Variants in ZPBP observed in about 807,000 individuals in gnomAD.
ZPBP encodes zona pellucida binding protein.
In ZPBP, 26 loss-of-function variants were observed where a neutral mutation model predicts 44.8. That is an observed-to-expected ratio of 0.58 (90% CI 0.43 to 0.81). The LOEUF (loss-of-function observed/expected upper bound fraction) is 0.81, where lower values mean the gene tolerates loss of function less well. ZPBP is among the 30% of genes least tolerant of loss of function. The pLI, the probability that ZPBP is intolerant of heterozygous loss-of-function variation, is 0.00. For synonymous variants in ZPBP, 174 were observed against 153.2 expected (o/e 1.14, Z -1.00); for missense variants, 409 against 434.0 (o/e 0.94, Z 0.51).
intron 6 of ZPBP, among the ~76,000 whole-genome samples, chr7:49,995,012 C>A (rs1797757218): frequency 6.6e-6 from 1 of 152,150 alleles, no homozygotes; most frequent in Non-Finnish European, 1.5e-5. Flanking sequence ...ATACCCTTCA[C>A]CCTATAAGTG....
At chr7:50,091,604 A>G (rs970929957) in intron 1 of ZPBP, among the ~76,000 whole-genome samples, 1 of 152,120 alleles carries the variant, frequency 6.6e-6, no homozygotes, top group African/African-American at 2.4e-5. Flanking sequence ...CACACATACC[A>G]TTTTCCTTAT....
intron 2 of ZPBP, among the ~76,000 whole-genome samples, chr7:49,895,831 T>C (rs931206500): frequency 1.3e-4 from 20 of 152,130 alleles, no homozygotes; most frequent in African/African-American, 4.8e-4. Flanking sequence ...GATTAACCCA[T>C]TCTCCCACTT....
At chr7:50,040,376 G>T (rs903762405) in intron 4 of ZPBP, among the ~76,000 whole-genome samples, 1 of 152,228 alleles carries the variant, frequency 6.6e-6, no homozygotes, top group Non-Finnish European at 1.5e-5. Flanking sequence ...TGGCTGGCGA[G>T]ATGGCTGAAT....
chr7:50,020,408 C>G (rs560847942), intron 5 of ZPBP, among the ~76,000 whole-genome samples: 16 of 152,108 alleles, frequency 1.1e-4, no homozygotes, highest in South Asian at 1.0e-3. Flanking sequence ...AATCAGTATA[C>G]ACAAAAGATT....
intron 1 of ZPBP, chr7:49,912,076 G>T: frequency 6.2e-7 from 1 of 1,614,102 alleles, no homozygotes; most frequent in Non-Finnish European, 8.5e-7. Context: ...CCTGCTGGCA[G>T]AGAAGTGAAG....
At chr7:49,952,049 G>C (rs930952337) in intron 7 of ZPBP, among the ~76,000 whole-genome samples, 2 of 151,836 alleles carry the variant, frequency 1.3e-5, no homozygotes, top group African/African-American at 4.8e-5. Flanking sequence ...AGTGATAGTT[G>C]CCAGGGGGTA....
intron 2 of ZPBP, among the ~76,000 whole-genome samples, chr7:49,873,676 G>T (rs928192028): frequency 1.3e-5 from 2 of 152,156 alleles, no homozygotes; most frequent in African/African-American, 4.8e-5. Flanking sequence ...ATGAATTTTT[G>T]CTTGTGGGTT....
chr7:50,074,866 C>T (rs1192809480), intron 3 of ZPBP, among the ~76,000 whole-genome samples: 1 of 151,742 alleles, frequency 6.6e-6, no homozygotes, highest in Non-Finnish European at 1.5e-5. Flanking sequence ...ATCCTCCAGA[C>T]AGAAAGATCA....
At chr7:49,947,477 G>C (rs1162497868) in intron 7 of ZPBP, among the ~76,000 whole-genome samples, 1 of 152,192 alleles carries the variant, frequency 6.6e-6, no homozygotes, top group Non-Finnish European at 1.5e-5. Context: ...CACTGCCTTG[G>C]AGGTTTTGGG....
intron 7 of ZPBP, among the ~76,000 whole-genome samples, chr7:49,938,503 TA>T (rs1175490761): frequency 6.6e-6 from 1 of 152,192 alleles, no homozygotes; most frequent in Non-Finnish European, 1.5e-5. Context: ...CCTTATTTTG[TA>T]AAACAGGTGC....
At chr7:50,089,811 A>T (rs1052490050) in intron 1 of ZPBP, 102 bp from the exon 2 acceptor site, 5 of 877,090 alleles carry the variant, frequency 5.7e-6, no homozygotes, top group Non-Finnish European at 7.4e-6. Flanking sequence ...GAGAGCCATA[A>T]TTCAATCTCC....
At chr7:50,045,447 C>T (rs1316780659) in intron 4 of ZPBP, among the ~76,000 whole-genome samples, 2 of 152,202 alleles carry the variant, frequency 1.3e-5, no homozygotes, top group Non-Finnish European at 2.9e-5. Flanking sequence ...GCAACTTCAG[C>T]AAAGTCTCAA....
intron 4 of ZPBP, among the ~76,000 whole-genome samples, chr7:50,043,679 A>C (rs1414214870): frequency 6.6e-6 from 1 of 152,166 alleles, no homozygotes; most frequent in African/African-American, 2.4e-5. Flanking sequence ...TCATAAAGCA[A>C]GTTCTTAGAG....
chr7:49,936,471 T>A (rs75466499), downstream of ZPBP, among the ~76,000 whole-genome samples: 4,557 of 152,294 alleles, frequency 0.03, 184 homozygotes, highest in South Asian at 0.13. Flanking sequence ...ATCCTAGGTA[T>A]AGGTGAACTG....
At chr7:49,926,255 G>A (rs191458372) in intron 1 of ZPBP, among the ~76,000 whole-genome samples, 4 of 152,254 alleles carry the variant, frequency 2.6e-5, no homozygotes, top group Admixed American at 6.5e-5. Flanking sequence ...GTCCTCTTGT[G>A]GAACATAATG....
chr7:50,031,731 T>C (rs1799616908), intron 4 of ZPBP, among the ~76,000 whole-genome samples: 1 of 152,052 alleles, frequency 6.6e-6, no homozygotes, highest in South Asian at 2.1e-4. Context: ...TTGGAAGAAA[T>C]TAAAGTCATA....
chr7:49,980,559 C>A (rs934343946), intron 7 of ZPBP, among the ~76,000 whole-genome samples: 1 of 151,548 alleles, frequency 6.6e-6, no homozygotes, highest in Non-Finnish European at 1.5e-5. Context: ...CTGCTTCCAC[C>A]CATGGCAGAA....
At chr7:49,873,702 T>G (rs149997177) in intron 2 of ZPBP, among the ~76,000 whole-genome samples, 179 of 152,312 alleles carry the variant, frequency 1.2e-3, no homozygotes, top group Non-Finnish European at 2.2e-3. Context: ...AGAGATGCTC[T>G]CATGCATTTT....
the ZPBP span, among the ~76,000 whole-genome samples, chr7:49,841,846 A>G: frequency 2.0e-5 from 3 of 152,102 alleles, no homozygotes; most frequent in Non-Finnish European, 4.4e-5. Context: ...AATAACTCCT[A>G]GGAGGAGAAT....
Sources: gnomAD v4.1 joint callset for allele counts (sites outside exome capture counted in the v4.1 genomes callset) on GRCh38, gnomAD v4.1.1 for gene constraint, MANE v1.5 for transcripts, NCBI Gene and HGNC (gene_info 2026-07-23, HGNC 2026-07-21) for gene names.